LRBA: variants seen among roughly 807,000 people sequenced by gnomAD.
The protein encoded by LRBA is lipopolysaccharide-responsive and beige-like anchor protein.
LRBA carries 176 observed loss-of-function variants against 330.0 expected under a neutral mutation model. That is an observed-to-expected ratio of 0.53 (90% confidence interval 0.47 to 0.60). The LOEUF is 0.60. Ranked by LOEUF, LRBA falls within the 20% of genes least tolerant of loss-of-function variation. The probability of loss-of-function intolerance (pLI) is 0.00; values close to 1 mark genes in which losing one functional copy is unlikely to be tolerated. For missense variants in LRBA, 3,259 were observed against 3,444.8 expected, an observed-to-expected ratio of 0.95 and a Z score of 1.35; for synonymous variants, 1,230 against 1,193.0, an observed-to-expected ratio of 1.03 and a Z score of -0.64.
chr4:150,834,284 C>A (rs933459285), intron 28 of LRBA, among the ~76,000 whole-genome samples: 4 of 152,130 alleles, frequency 2.6e-5, no homozygotes, highest in African/African-American at 9.7e-5. Flanking sequence ...ATTTACTTTG[C>A]CCAGATCCAT....
chr4:150,917,304 T>C (rs779380948), intron 5 of LRBA, among the ~76,000 whole-genome samples: 26 of 152,188 alleles, frequency 1.7e-4, no homozygotes, highest in Admixed American at 7.2e-4. Flanking sequence ...CCTGGACACA[T>C]GAATCTTGTA....
intron 34 of LRBA, 91 bp from the exon 35 acceptor site, chr4:150,761,938 C>G: frequency 4.4e-6 from 3 of 689,436 alleles, no homozygotes; most frequent in Non-Finnish European, 7.6e-6. Flanking sequence ...TCACCCATAT[C>G]AATTTCATGC....
At chr4:150,933,705 A>T (rs902956471) in intron 2 of LRBA, among the ~76,000 whole-genome samples, 8 of 152,186 alleles carry the variant, frequency 5.3e-5, no homozygotes, top group Non-Finnish European at 1.0e-4. Context: ...ATTTCAAAAA[A>T]AACAATTTAA....
chr4:150,681,364 T>C (rs891777187), intron 37 of LRBA, among the ~76,000 whole-genome samples: 3 of 152,246 alleles, frequency 2.0e-5, no homozygotes, highest in African/African-American at 4.8e-5. Context: ...TGAGCCAGCA[T>C]ACATTTTTGT....
chr4:150,982,566 TCA>T (rs1740962148), intron 2 of LRBA, among the ~76,000 whole-genome samples: 1 of 150,320 alleles, frequency 6.7e-6, no homozygotes, highest in Non-Finnish European at 1.5e-5. Flanking sequence ...GCTAGGATTA[TCA>T]GAGATTTTTT....
At chr4:150,849,361 C>T in intron 25 of LRBA, 61 bp downstream of exon 25, 1 of 1,484,488 alleles carries the variant, frequency 6.7e-7, no homozygotes. Flanking sequence ...AAGTTTTAGT[C>T]AATAAAGTTG....
Position 150,321,329 on chromosome 4 carries a change from T to C in LRBA, c.7492A>G (p.Ile2498Val), listed in dbSNP as rs781277906. 6.2e-7 allele frequency: 1 copy of C among 1,606,052 alleles called. No individual in the cohort carries two copies. Among genetic ancestry groups the C allele is most frequent in the Non-Finnish European group, 8.5e-7 (1 of 1,177,472 alleles). ...MFTDKAQQDV[I>V]MVLKFPSNSP... ...TTGGAGGGAAACTTGAGGACCATGATAACATCCTGCTGGGCTTTGTCTGTG... is the reference window on the plus strand; with the variant it reads ...TTGGAGGGAAACTTGAGGACCATGACAACATCCTGCTGGGCTTTGTCTGTG... Residue 2498 changes from isoleucine (I) to valine (V), a missense_variant, in exon 50 of 57, where the codon ATC becomes GTC. Physicochemically the swap from Ile to Val is conservative, Grantham distance 29. Transcript: ENST00000651943. This position sits in a 1 kb window ranked among gnomAD's most constrained non-coding sequence, Gnocchi z 4.5.
intron 27 of LRBA, 115 bp from the exon 28 acceptor site, chr4:150,844,322 C>T (rs1412196498): frequency 1.8e-6 from 1 of 571,346 alleles, no homozygotes; most frequent in African/African-American, 1.9e-5. Context: ...CTATAGCATT[C>T]CTTTCCCCAC....
At chr4:150,541,340 C>G (rs1182736694) in intron 40 of LRBA, among the ~76,000 whole-genome samples, 2 of 152,142 alleles carry the variant, frequency 1.3e-5, no homozygotes, top group Non-Finnish European at 2.9e-5. Context: ...AATGATCAGT[C>G]CTAGCTTCAA....
intron 28 of LRBA, among the ~76,000 whole-genome samples, chr4:150,843,287 T>C (rs1188413104): frequency 1.3e-5 from 2 of 151,790 alleles, no homozygotes; most frequent in Non-Finnish European, 1.5e-5. Flanking sequence ...AATAAAACTA[T>C]TGAAAAAAAG....
intron 17 of LRBA, among the ~76,000 whole-genome samples, chr4:150,878,619 A>T (rs896111963): frequency 6.6e-6 from 1 of 151,964 alleles, no homozygotes; most frequent in Admixed American, 6.6e-5. Flanking sequence ...AAAAAAAAAA[A>T]TCCACATACA....
intron 46 of LRBA, chr4:150,422,545 C>T (rs1335724912): frequency 4.2e-6 from 2 of 476,598 alleles, no homozygotes; most frequent in African/African-American, 3.9e-5. Context: ...CTGACCCACA[C>T]TATCCTCTGC....
intron 40 of LRBA, among the ~76,000 whole-genome samples, chr4:150,535,727 T>C (rs922804543): frequency 6.6e-6 from 1 of 152,212 alleles, no homozygotes; most frequent in Non-Finnish European, 1.5e-5. Context: ...CATTTTCCTA[T>C]GTTGTTTCCT....
At position 150,849,015 on chromosome 4, in the gene LRBA, T is replaced by C; in HGVS notation, c.4159-17A>G. 6.5e-7 allele frequency: 1 copy of C among 1,538,406 alleles called. No individual in the cohort carries two copies. The highest frequency in any genetic ancestry group is 8.8e-7 in the Non-Finnish European group (1 of 1,140,052). On this transcript the variant is annotated splice_polypyrimidine_tract_variant and intron_variant, in intron 25 of 56. Transcript: ENST00000651943. ...CAGTTCATGCTGTAAAGAATAAAGT[T>C]TGACATTTATATATATATATTCTGA...
intron 56 of LRBA, among the ~76,000 whole-genome samples, chr4:150,271,181 T>C (rs1746039127): frequency 6.6e-6 from 1 of 152,230 alleles, no homozygotes; most frequent in South Asian, 2.1e-4. Flanking sequence ...CTGGCCCAGA[T>C]ACTGCGCTTT....
intron 7 of LRBA, 105 bp downstream of exon 7, chr4:150,916,295 AC>A: frequency 8.9e-7 from 1 of 1,123,798 alleles, no homozygotes; most frequent in Non-Finnish European, 1.2e-6. Context: ...AACAGTAAAA[AC>A]GAAGTTGTGC....
intron 11 of LRBA, 52 bp downstream of exon 11, chr4:150,908,282 G>A: frequency 6.4e-7 from 1 of 1,570,282 alleles, no homozygotes; most frequent in Non-Finnish European, 8.6e-7. Flanking sequence ...TAGCTCAACA[G>A]TGATGAAATT....
intron 5 of LRBA, among the ~76,000 whole-genome samples, chr4:150,920,336 G>A (rs753422832): frequency 2.0e-5 from 3 of 152,140 alleles, no homozygotes; most frequent in Non-Finnish European, 4.4e-5. Context: ...ATCACCTGAG[G>A]TCAGGAATTC....
At chr4:150,818,077 G>A (rs1000778511) in intron 30 of LRBA, among the ~76,000 whole-genome samples, 1 of 152,046 alleles carries the variant, frequency 6.6e-6, no homozygotes, top group Non-Finnish European at 1.5e-5. Flanking sequence ...CACATCTTTT[G>A]TTGACAGTAC....
Sources: gnomAD v4.1 joint callset for allele counts (sites outside exome capture counted in the v4.1 genomes callset) on GRCh38, gnomAD v4.1.1 for gene constraint, Gnocchi (gnomAD v3.1) non-coding constraint, MANE v1.5 for transcripts, NCBI Gene and HGNC (gene_info 2026-07-23, HGNC 2026-07-21) for gene names.